SHTN1: variants seen among roughly 807,000 people sequenced by gnomAD.
The protein encoded by SHTN1 is shootin 1.
A neutral mutation model predicts 83.1 loss-of-function variants in SHTN1; 42 were observed. That is an observed-to-expected ratio of 0.51 (90% CI 0.39 to 0.65). SHTN1 has a LOEUF of 0.65. Ranked by LOEUF, SHTN1 falls within the 30% of genes least tolerant of loss-of-function variation. The pLI is 0.00. For synonymous variants in SHTN1, 224 were observed against 247.7 expected, an observed-to-expected ratio of 0.90 and a Z score of 0.90; for missense variants, 622 against 737.8, an observed-to-expected ratio of 0.84 and a Z score of 1.82.
chr10:117,121,308 T>G (rs1014529242), intron 1 of SHTN1, among the ~76,000 whole-genome samples: 6 of 152,248 alleles, frequency 3.9e-5, no homozygotes, highest in Non-Finnish European at 5.9e-5. Context: ...CCAGGCGTGG[T>G]GGCTTACGCC....
intron 16 of SHTN1, among the ~76,000 whole-genome samples, chr10:116,897,527 G>A (rs950306815): frequency 1.3e-5 from 2 of 152,170 alleles, no homozygotes; most frequent in African/African-American, 4.8e-5. Flanking sequence ...ACTTGTCCAA[G>A]TCATCTGGCC....
chr10:117,038,999 C>G (rs768756231), intron 2 of SHTN1, among the ~76,000 whole-genome samples: 10 of 152,216 alleles, frequency 6.6e-5, no homozygotes, highest in Non-Finnish European at 1.3e-4. Flanking sequence ...GGTATTTACC[C>G]AAAAAGAGTT....
intron 9 of SHTN1, among the ~76,000 whole-genome samples, chr10:116,935,027 T>C (rs1419156672): frequency 6.6e-6 from 1 of 152,218 alleles, no homozygotes; most frequent in African/African-American, 2.4e-5. Flanking sequence ...ATCCTGAGAC[T>C]TTGCTGAAGT....
chr10:116,994,915 A>G (rs912976389), intron 1 of SHTN1, among the ~76,000 whole-genome samples: 2 of 152,114 alleles, frequency 1.3e-5, no homozygotes, highest in Admixed American at 6.5e-5. Flanking sequence ...TATAAGAAAC[A>G]TTGTCAAATA....
intron 15 of SHTN1, among the ~76,000 whole-genome samples, chr10:116,903,654 G>A (rs1400045372): frequency 6.6e-6 from 1 of 152,100 alleles, no homozygotes; most frequent in Admixed American, 6.5e-5. Context: ...ATATAAATAC[G>A]AAGTTGAATT....
At position 116,884,684 on chromosome 10, in the gene SHTN1, T is replaced by C. The variant is rs1042409371; in HGVS notation, c.*1660A>G. ...TGAAAGAAAACTCAATAAACCATCT[T>C]AGGGACTATTAAAAATTACTAAAGT... On this transcript the variant is annotated 3_prime_UTR_variant, in exon 17 of 17. Coordinates refer to ENST00000355371, the MANE Select transcript of SHTN1 (RefSeq NM_001127211.3). The C allele has an allele frequency of 1.9e-5, 3 of 157,472 alleles. No individual in the cohort carries two copies. The highest frequency in any genetic ancestry group is 1.8e-4 in the Admixed American group (3 of 16,554). 9.8% of individuals were successfully genotyped at this position (157,472 alleles called of 1,614,324 possible). A position where few individuals can be genotyped will look rare whatever the true frequency, so the allele number is the denominator to read the frequency against.
chr10:117,065,923 G>C (rs1365742733), intron 1 of SHTN1, among the ~76,000 whole-genome samples: 1 of 146,856 alleles, frequency 6.8e-6, no homozygotes, highest in African/African-American at 2.5e-5. Flanking sequence ...GAAAAATTAG[G>C]CTGGGCATGG....
intron 9 of SHTN1, among the ~76,000 whole-genome samples, chr10:116,933,067 C>T (rs935213482): frequency 6.6e-6 from 1 of 152,124 alleles, no homozygotes; most frequent in East Asian, 1.9e-4. Flanking sequence ...TCTTTCCCTC[C>T]CACCCTATTC....
intron 9 of SHTN1, among the ~76,000 whole-genome samples, chr10:116,938,074 T>C (rs1160035218): frequency 6.6e-6 from 1 of 152,058 alleles, no homozygotes; most frequent in Non-Finnish European, 1.5e-5. Context: ...TAACCTTTTA[T>C]CAAGGTTCTT....
At chr10:117,013,920 GTATA>G (rs892347856) in intron 2 of SHTN1, among the ~76,000 whole-genome samples, 9 of 151,804 alleles carry the variant, frequency 5.9e-5, no homozygotes, top group Admixed American at 5.9e-4. Flanking sequence ...ATGTGTGTGT[GTATA>G]TATATATTTT....
At chr10:116,910,651 C>G (rs1848156042) in intron 14 of SHTN1, among the ~76,000 whole-genome samples, 1 of 152,042 alleles carries the variant, frequency 6.6e-6, no homozygotes, top group African/African-American at 2.4e-5. Context: ...GAACTGTGCC[C>G]CAGAGGACAT....
intron 1 of SHTN1, among the ~76,000 whole-genome samples, chr10:117,113,351 C>T (rs1446834295): frequency 1.3e-5 from 2 of 152,074 alleles, no homozygotes; most frequent in Non-Finnish European, 2.9e-5. Context: ...CTGAGGCAGG[C>T]CAAGCATGAG....
chr10:117,119,580 T>A (rs1359474256), intron 1 of SHTN1, among the ~76,000 whole-genome samples: 1 of 152,176 alleles, frequency 6.6e-6, no homozygotes, highest in South Asian at 2.1e-4. Flanking sequence ...GGAACCCTCA[T>A]ACACTGTTGG....
chr10:117,057,978 G>C (rs1852849271), intron 1 of SHTN1, among the ~76,000 whole-genome samples: 1 of 152,108 alleles, frequency 6.6e-6, no homozygotes, highest in African/African-American at 2.4e-5. Flanking sequence ...GATATCCAAT[G>C]CCAAAGAATG....
intron 1 of SHTN1, among the ~76,000 whole-genome samples, chr10:117,071,506 G>T (rs1853080452): frequency 6.6e-6 from 1 of 152,164 alleles, no homozygotes; most frequent in Non-Finnish European, 1.5e-5. Flanking sequence ...TAAGAAATTA[G>T]CCCAAGATCA....
At chr10:117,094,682 A>G (rs1853481509) in intron 1 of SHTN1, among the ~76,000 whole-genome samples, 2 of 152,178 alleles carry the variant, frequency 1.3e-5, no homozygotes, top group African/African-American at 4.8e-5. Context: ...AGAAATGTAA[A>G]TATATATTAT....
chr10:116,915,549 G>A (rs1333725444), intron 12 of SHTN1, 65 bp from the exon 13 acceptor site: 1 of 918,688 alleles, frequency 1.1e-6, no homozygotes, highest in African/African-American at 1.7e-5. Flanking sequence ...CCTATTTTTG[G>A]TGACTTGGAA....
At chr10:116,993,017 C>CTTTTTTTTTTTT (rs35364697) in intron 1 of SHTN1, among the ~76,000 whole-genome samples, 6 of 121,224 alleles carry the variant, frequency 4.9e-5, no homozygotes, top group South Asian at 2.6e-4. Context: ...TCTTTTTTTT[C>CTTTTTTTTTTTT]TTTTTTTTTT....
chr10:116,926,546 G>A (rs1336223598), intron 11 of SHTN1, among the ~76,000 whole-genome samples: 2 of 152,158 alleles, frequency 1.3e-5, no homozygotes, highest in Non-Finnish European at 2.9e-5. Context: ...TACTCAGTAA[G>A]GAAAACTAAT....
Sources: allele counts gnomAD v4.1 joint callset (sites outside exome capture counted in the v4.1 genomes callset), GRCh38; gene constraint gnomAD v4.1.1; transcripts MANE v1.5; gene names NCBI Gene and HGNC (gene_info 2026-07-23, HGNC 2026-07-21).